ELMO1: variants seen among roughly 807,000 people sequenced by gnomAD.
ELMO1 encodes the protein engulfment and cell motility protein 1.
Under a neutral mutation model 98.9 loss-of-function variants are expected in ELMO1, and 26 were observed. That is an observed-to-expected ratio of 0.26 (90% confidence interval 0.19 to 0.36). ELMO1 has a LOEUF of 0.36. Ranked by LOEUF, ELMO1 falls within the 10% of genes least tolerant of loss-of-function variation. The probability of loss-of-function intolerance (pLI) is 1.00; values close to 1 mark genes in which losing one functional copy is unlikely to be tolerated. For missense variants in ELMO1, 627 were observed against 935.2 expected (o/e 0.67, Z 4.30); for synonymous variants, 346 against 346.0 (o/e 1.00, Z 0.00).
intron 2 of ELMO1, among the ~76,000 whole-genome samples, chr7:37,323,633 A>C (rs1250071762): frequency 6.6e-6 from 1 of 152,190 alleles, no homozygotes; most frequent in Non-Finnish European, 1.5e-5. Context: ...GAGGAAAAAA[A>C]CAAAAGCTAG....
chr7:37,056,458 T>A (rs1796395719), intron 15 of ELMO1, among the ~76,000 whole-genome samples: 1 of 152,238 alleles, frequency 6.6e-6, no homozygotes, highest in Non-Finnish European at 1.5e-5. Context: ...TAGGATGCAG[T>A]GTCGGTGACT....
At chr7:37,365,241 A>G (rs1801857870) in intron 1 of ELMO1, among the ~76,000 whole-genome samples, 1 of 116,864 alleles carries the variant, frequency 8.6e-6, no homozygotes. Context: ...AGGGTCTTTC[A>G]AAAGGACACT....
chr7:37,252,388 A>C (rs1795398980), intron 6 of ELMO1, among the ~76,000 whole-genome samples: 1 of 152,226 alleles, frequency 6.6e-6, no homozygotes, highest in East Asian at 1.9e-4. Flanking sequence ...ACAGATATAT[A>C]GACCAATGGA....
chr7:37,292,928 T>C (rs866134884), intron 4 of ELMO1, among the ~76,000 whole-genome samples: 12,217 of 31,620 alleles, frequency 0.39, 4,117 homozygotes, highest in Non-Finnish European at 0.59. Context: ...GCGGGGTCAG[T>C]CCCCCGCCTG....
intron 13 of ELMO1, among the ~76,000 whole-genome samples, chr7:37,143,239 T>C (rs977737159): frequency 6.6e-6 from 1 of 151,990 alleles, no homozygotes; most frequent in African/African-American, 2.4e-5. Context: ...TTGCCCAAAG[T>C]TTCAGAGCCA....
At chr7:37,138,563 A>T (rs1248885289) in intron 13 of ELMO1, among the ~76,000 whole-genome samples, 1 of 152,234 alleles carries the variant, frequency 6.6e-6, no homozygotes, top group East Asian at 1.9e-4. Flanking sequence ...ACAGGCAGTG[A>T]GATTGAAATG....
intron 15 of ELMO1, among the ~76,000 whole-genome samples, chr7:37,019,624 A>ATTATTGTTT (rs566147428): frequency 7.4e-4 from 112 of 152,364 alleles, no homozygotes; most frequent in Non-Finnish European, 1.4e-3. Flanking sequence ...GGTGAGGTTT[A>ATTATTGTTT]TTATTGTTTT....
At chr7:37,306,367 G>C (rs2131051259) in intron 4 of ELMO1, among the ~76,000 whole-genome samples, 1 of 152,320 alleles carries the variant, frequency 6.6e-6, no homozygotes, top group East Asian at 1.9e-4. Context: ...ATGTTGACTT[G>C]TGATGCACCT....
chr7:37,144,268 C>T (rs1015133212), intron 13 of ELMO1, among the ~76,000 whole-genome samples: 4 of 152,108 alleles, frequency 2.6e-5, no homozygotes, highest in African/African-American at 7.2e-5. Flanking sequence ...CTCTCTCTCA[C>T]TCCACGTATC....
At chr7:37,028,473 T>C (rs1197637837) in intron 15 of ELMO1, among the ~76,000 whole-genome samples, 1 of 152,210 alleles carries the variant, frequency 6.6e-6, no homozygotes, top group African/African-American at 2.4e-5. Context: ...CAGACATGTA[T>C]TCCCATAGAA....
At chr7:36,974,191 C>T (rs951369505) in intron 16 of ELMO1, among the ~76,000 whole-genome samples, 1 of 152,362 alleles carries the variant, frequency 6.6e-6, no homozygotes, top group East Asian at 1.9e-4. Context: ...TGGGTGAAGC[C>T]AGCTGGGCTC....
At chr7:36,917,740 G>A (rs866388546) in intron 16 of ELMO1, among the ~76,000 whole-genome samples, 1 of 152,152 alleles carries the variant, frequency 6.6e-6, no homozygotes, top group Admixed American at 6.5e-5. Flanking sequence ...CCAACTCCTG[G>A]ACACGTATCC....
chr7:36,933,499 C>T (rs893700655), intron 16 of ELMO1, among the ~76,000 whole-genome samples: 2 of 152,190 alleles, frequency 1.3e-5, no homozygotes, highest in African/African-American at 4.8e-5. Flanking sequence ...GCATAAGAAG[C>T]ACTTTAAATG....
intron 16 of ELMO1, among the ~76,000 whole-genome samples, chr7:36,933,098 A>C (rs1011451875): frequency 2.0e-5 from 3 of 152,178 alleles, no homozygotes; most frequent in Admixed American, 1.3e-4. Flanking sequence ...CTTTTGGCCC[A>C]GTTAACTTCT....
At chr7:36,938,575 T>C (rs117867106) in intron 16 of ELMO1, among the ~76,000 whole-genome samples, 5,167 of 152,338 alleles carry the variant, frequency 0.034, 126 homozygotes, top group Middle Eastern at 0.099. Flanking sequence ...CATGCATTTG[T>C]ATGTTTTAAG....
At chr7:37,195,294 G>A (rs886126373) in intron 13 of ELMO1, among the ~76,000 whole-genome samples, 3 of 152,216 alleles carry the variant, frequency 2.0e-5, no homozygotes, top group Admixed American at 1.3e-4. Context: ...TGTGACTAGA[G>A]AGAGGCCTGT....
chr7:37,170,995 C>T (rs192244279), intron 13 of ELMO1, among the ~76,000 whole-genome samples: 1 of 152,248 alleles, frequency 6.6e-6, no homozygotes, highest in Non-Finnish European at 1.5e-5. Flanking sequence ...AAAACTATTT[C>T]ACCAATATTC....
chr7:37,433,573 T>C (rs1805021474), intron 1 of ELMO1, among the ~76,000 whole-genome samples: 1 of 152,070 alleles, frequency 6.6e-6, no homozygotes, highest in Non-Finnish European at 1.5e-5. Flanking sequence ...CCCCTTAATA[T>C]TCACTTCAAC....
intron 4 of ELMO1, among the ~76,000 whole-genome samples, chr7:37,298,609 C>T (rs1308939701): frequency 8.2e-4 from 118 of 144,160 alleles, no homozygotes; most frequent in Non-Finnish European, 6.0e-5. Context: ...CAATTTCATC[C>T]ATGTCCCTAC....
Sources: allele counts gnomAD v4.1 joint callset (sites outside exome capture counted in the v4.1 genomes callset), GRCh38; gene constraint gnomAD v4.1.1; transcripts MANE v1.5; gene names NCBI Gene and HGNC (gene_info 2026-07-23, HGNC 2026-07-21).